The following LRRC8A variants were observed in gnomAD, a reference collection of about 807,000 sequenced individuals.
LRRC8A encodes the protein leucine rich repeat containing 8 VRAC subunit A.
In LRRC8A, 24 loss-of-function variants were observed where a neutral mutation model predicts 52.5. The ratio of observed to expected loss-of-function variants is 0.46; its 90% CI spans 0.33 to 0.64. The LOEUF is 0.64. Ranked by LOEUF, LRRC8A falls within the 30% of genes least tolerant of loss-of-function variation. LRRC8A has a pLI of 0.02. For synonymous variants in LRRC8A, 492 were observed against 494.2 expected (o/e 1.00, Z 0.06); for missense variants, 677 against 1,094.7 (o/e 0.62, Z 5.38).
Position 128,917,890 on chromosome 9 carries a change from G to A in LRRC8A, c.*1519G>A, listed in dbSNP as rs1347545311. On this transcript the variant is annotated 3_prime_UTR_variant, in exon 4 of 4. Transcript: ENST00000372600. Reference sequence around the variant, plus strand: ...AATGATTATGTCCATCCGTCTGTCCGTCCATTTGTGTTTTCTGCGTCGTGT... The same window carrying A: ...AATGATTATGTCCATCCGTCTGTCCATCCATTTGTGTTTTCTGCGTCGTGT... 7.9e-5 allele frequency: 12 copies of A among 152,754 alleles called. No individual in the cohort carries two copies. The highest frequency in any genetic ancestry group is 2.1e-4 in the South Asian group (1 of 4,828). 9.5% of individuals were successfully genotyped at this position (152,754 alleles called of 1,614,324 possible). A position where few individuals can be genotyped will look rare whatever the true frequency, so the allele number is the denominator to read the frequency against.
At chr9:128,903,786 G>A (rs1430097652) in intron 2 of LRRC8A, among the ~76,000 whole-genome samples, 3 of 151,962 alleles carry the variant, frequency 2.0e-5, no homozygotes, top group Non-Finnish European at 4.4e-5. Flanking sequence ...CCAGAACTTT[G>A]GGAGGCCAAG....
At chr9:128,894,949 G>C (rs899749811) in intron 2 of LRRC8A, among the ~76,000 whole-genome samples, 2 of 151,964 alleles carry the variant, frequency 1.3e-5, no homozygotes, top group Non-Finnish European at 1.5e-5. Flanking sequence ...CCCATCTCCA[G>C]AACTGTTTTC....
chr9:128,913,670 C>T (rs1032893350), intron 3 of LRRC8A, among the ~76,000 whole-genome samples: 5 of 152,202 alleles, frequency 3.3e-5, no homozygotes, highest in Non-Finnish European at 5.9e-5. Context: ...CTCTGCCACT[C>T]GCTGTCCAGA....
intron 3 of LRRC8A, among the ~76,000 whole-genome samples, chr9:128,909,878 C>G (rs1588224878): frequency 6.6e-6 from 1 of 152,238 alleles, no homozygotes; most frequent in African/African-American, 2.4e-5. Context: ...TTCTCCACTG[C>G]ATTTGGTGGT....
chr9:128,889,991 C>T (rs897258852), intron 2 of LRRC8A, among the ~76,000 whole-genome samples: 8 of 151,838 alleles, frequency 5.3e-5, no homozygotes, highest in Non-Finnish European at 1.0e-4. Context: ...TTAGTAGAGA[C>T]GGGGTTTCAC....
Position 128,911,572 on chromosome 9 carries a change from C to T in LRRC8A, c.2157+2251C>T, listed in dbSNP as rs555966638. On this transcript the variant is annotated intron_variant, in intron 3 of 3. Coordinates refer to ENST00000372600, the MANE Select transcript of LRRC8A (RefSeq NM_019594.4). This position sits in a 1 kb window ranked among gnomAD's most constrained non-coding sequence, Gnocchi z 4.9. Reference sequence around the variant, plus strand: ...AGCTCCTGCCATTCCTGCCCTGTCCCGGGTGCTGTGCTGGGGCTGTCCTCC... The same window carrying T: ...AGCTCCTGCCATTCCTGCCCTGTCCTGGGTGCTGTGCTGGGGCTGTCCTCC... Among the ~76,000 whole-genome samples, 3 of 152,278 alleles carry T rather than the reference C, an allele frequency of 2.0e-5. No individual in the cohort carries two copies. Among genetic ancestry groups the T allele is most frequent in the East Asian group, 1.9e-4 (1 of 5,180 alleles).
In LRRC8A at chr9:128,902,670, G is replaced by T. The variant is rs778000928; in HGVS notation, c.-8-4487G>T. On this transcript the variant is annotated intron_variant, in intron 2 of 3. Transcript: ENST00000372600. The surrounding 1 kb of genome is among the most constrained non-coding windows in gnomAD (Gnocchi z 4.1). ...CCCCAGTCTTTAGGTCCTGGCCCTG[G>T]ATGGGGACTCCAGGTGTCCACATGT... Among the ~76,000 whole-genome samples the T allele has an allele frequency of 3.3e-5, 5 of 152,130 alleles. No homozygotes were observed. The South Asian group carries it at 6.2e-4, about 19-fold the overall frequency.
chr9:128,904,222 G>A (rs1039240713), intron 2 of LRRC8A, among the ~76,000 whole-genome samples: 1 of 152,074 alleles, frequency 6.6e-6, no homozygotes, highest in Admixed American at 6.6e-5. Flanking sequence ...TGAATGTAAA[G>A]TAAAAGCACA....
chr9:128,912,959 G>A (rs1418415994), intron 3 of LRRC8A: 1 of 152,384 alleles, frequency 6.6e-6, no homozygotes, highest in Non-Finnish European at 1.5e-5. Context: ...GGTTTTCAGA[G>A]GCCAAGGTGT....
chr9:128,896,719 T>G (rs116285391), intron 2 of LRRC8A, among the ~76,000 whole-genome samples: 3,107 of 152,210 alleles, frequency 0.02, 113 homozygotes, highest in African/African-American at 0.071. Flanking sequence ...CTTTTTTCTT[T>G]CTTTCTTTAT....
chr9:128,908,117 T>C lies in LRRC8A; in HGVS notation c.953T>C (p.Phe318Ser). ...TGTGCCCACCCCCTGGCCACACTCT[T>C]CAAGATCCTGGCGTCCTTCTACATC... ...YRCAHPLATL[F>S]KILASFYISL... is the part of the protein sequence containing the mutation. Residue 318 changes from phenylalanine to serine, a missense_variant, in exon 3 of 4, where the codon TTC becomes TCC. Phe to Ser is a radical substitution (Grantham distance 155). Coordinates refer to ENST00000372600, the MANE Select transcript of LRRC8A (RefSeq NM_019594.4). The C allele has an allele frequency of 6.2e-7, 1 of 1,613,990 alleles. No individual in the cohort carries two copies.
chr9:128,900,442 C>T lies in LRRC8A; in HGVS notation c.-8-6715C>T, dbSNP rs544629318. ...AGCATTTGGGGGCTGGACGCAGTGG[C>T]TCATGCCTGTAATCCCAGCACTTTG... On this transcript the variant is annotated intron_variant, in intron 2 of 3. Coordinates refer to ENST00000372600, the MANE Select transcript of LRRC8A (RefSeq NM_019594.4). 2.0e-5 allele frequency among the ~76,000 whole-genome samples: 3 copies of T among 152,376 alleles called. No homozygotes were observed. In the East Asian group the frequency reaches 5.8e-4, roughly 29 times the overall value.
chr9:128,899,775 G>A lies in LRRC8A; in HGVS notation c.-8-7382G>A, dbSNP rs1839956917. ...GGGGTGTCGTGTTTAAGGGGTGTGG[G>A]TTTCAGTTTAACGAGATGAAGAGAG... is the stretch of plus-strand genomic sequence containing the variant. On this transcript the variant is annotated intron_variant, in intron 2 of 3. Transcript: ENST00000372600. The surrounding 1 kb of genome is among the most constrained non-coding windows in gnomAD (Gnocchi z 4.0). Among the ~76,000 whole-genome samples the A allele has an allele frequency of 6.6e-6, 1 of 152,174 alleles. No homozygotes were observed. Among genetic ancestry groups the A allele is most frequent in the Admixed American group, 6.5e-5 (1 of 15,272 alleles).
chr9:128,907,391 G>T lies in LRRC8A; in HGVS notation c.227G>T (p.Gly76Val), dbSNP rs1840296659. The change falls in exon 3 of 4, where the codon GGC becomes GTC. Residue 76 changes from glycine to valine, a missense_variant. Coordinates refer to ENST00000372600, the MANE Select transcript of LRRC8A (RefSeq NM_019594.4). The surrounding 1 kb of genome is among the most constrained non-coding windows in gnomAD (Gnocchi z 9.3). ...NDSFRGWAAP[G>V]PEPTYPNSTI... ...TCGTTCCGGGGCTGGGCAGCCCCTGGCCCGGAGCCCACCTACCCCAACTCC... is the reference window on the plus strand; with the variant it reads ...TCGTTCCGGGGCTGGGCAGCCCCTGTCCCGGAGCCCACCTACCCCAACTCC... 2.5e-6 allele frequency: 4 copies of T among 1,613,318 alleles called. No homozygotes were observed. Among genetic ancestry groups the T allele is most frequent in the Non-Finnish European group, 3.4e-6 (4 of 1,180,008 alleles).
chr9:128,917,017 GT>G lies in LRRC8A; in HGVS notation c.*650del, dbSNP rs1408795483. ...GCTTGCCTCTTCAGTATTTGTGGCA[GT>G]TTTAGTTTTTTGTTTTTTTTTTTTT... On this transcript the variant is annotated 3_prime_UTR_variant, in exon 4 of 4. Transcript: ENST00000372600. 1 of 144,780 alleles carries G rather than the reference GT, an allele frequency of 6.9e-6. No homozygotes were observed. The highest frequency in any genetic ancestry group is 2.6e-5 in the African/African-American group (1 of 38,544). The allele number at this position is 144,780 out of a possible 1,614,324, so 9.0% of individuals were successfully genotyped here.
rs186770399 is a variant in LRRC8A at position 128,905,100 on chromosome 9, G to A, written c.-8-2057G>A. On this transcript the variant is annotated intron_variant, in intron 2 of 3. Transcript: ENST00000372600. Reference sequence around the variant, plus strand: ...TAAGGTAGGAGGATTGCTTGACCAGGAGGTTGAGGCTGCAGTGAGCCATGA... The same window carrying A: ...TAAGGTAGGAGGATTGCTTGACCAGAAGGTTGAGGCTGCAGTGAGCCATGA... Among the ~76,000 whole-genome samples, 603 of 152,144 alleles carry A rather than the reference G, an allele frequency of 4.0e-3. 3 individuals are homozygous for A. Among genetic ancestry groups the A allele is most frequent in the Non-Finnish European group, 6.0e-3 (411 of 67,996 alleles).
intron 2 of LRRC8A, among the ~76,000 whole-genome samples, chr9:128,893,590 C>T (rs1564520713): frequency 6.6e-6 from 1 of 152,034 alleles, no homozygotes; most frequent in Admixed American, 6.6e-5. Flanking sequence ...AGCTGCTGAG[C>T]GTGAGTGTTA....
rs1396992333 is a variant in LRRC8A at position 128,902,915 on chromosome 9, G to A, written c.-8-4242G>A. On this transcript the variant is annotated intron_variant, in intron 2 of 3. Transcript: ENST00000372600. This position sits in a 1 kb window ranked among gnomAD's most constrained non-coding sequence, Gnocchi z 4.1. ...GGCGGTGGTGTCTGCTGGCCCCTTTGTGACCTGAGCGCTGGTAATGCTGAG... is the reference window on the plus strand; with the variant it reads ...GGCGGTGGTGTCTGCTGGCCCCTTTATGACCTGAGCGCTGGTAATGCTGAG... 6.6e-6 allele frequency among the ~76,000 whole-genome samples: 1 copy of A among 152,110 alleles called. No homozygotes were observed. Among genetic ancestry groups the A allele is most frequent in the South Asian group, 2.1e-4 (1 of 4,816 alleles).
intron 2 of LRRC8A, among the ~76,000 whole-genome samples, chr9:128,891,403 A>T (rs1438225982): frequency 6.6e-6 from 1 of 152,166 alleles, no homozygotes. Flanking sequence ...TCTACAAAAA[A>T]TTTTTAAAAA....
Sources: gnomAD v4.1 joint callset for allele counts (sites outside exome capture counted in the v4.1 genomes callset) on GRCh38, gnomAD v4.1.1 for gene constraint, Gnocchi (gnomAD v3.1) non-coding constraint, MANE v1.5 for transcripts, NCBI Gene and HGNC (gene_info 2026-07-23, HGNC 2026-07-21) for gene names.